Variants in ADAMTS7 observed in about 807,000 individuals in gnomAD.
The protein encoded by ADAMTS7 is ADAM metallopeptidase with thrombospondin type 1 motif 7, also known as A disintegrin and metalloproteinase with thrombospondin motifs 7.
ADAMTS7 carries 89 observed loss-of-function variants against 172.6 expected under a neutral mutation model. The observed-to-expected ratio is 0.52, with a 90% CI of 0.43 to 0.61. The LOEUF (loss-of-function observed/expected upper bound fraction) is 0.61, where lower values mean the gene tolerates loss of function less well. ADAMTS7 is among the 20% of genes least tolerant of loss of function. The pLI is 0.00. For synonymous variants in ADAMTS7, 885 were observed against 978.4 expected (o/e 0.90, Z 1.78); for missense variants, 1,973 against 2,355.6 (o/e 0.84, Z 3.36).
In ADAMTS7 at chr15:78,764,432, G is replaced by A. The variant is rs552447217; in HGVS notation, c.4419+123C>T. The A allele has an allele frequency of 3.5e-5, 45 of 1,272,790 alleles. No homozygotes were observed. In the African/African-American group the frequency reaches 3.8e-4, roughly 11 times the overall value. The allele number at this position is 1,272,790 out of a possible 1,614,324, so 78.8% of individuals were successfully genotyped here. A position where few individuals can be genotyped will look rare whatever the true frequency, so the allele number is the denominator to read the frequency against. On this transcript the variant is annotated intron_variant, in intron 20 of 23. Transcript: ENST00000388820. Reference sequence around the variant, plus strand: ...AAGAGATTCAGAATCCGGTGTGATCGGGCACACAGATGTGCAGCCTGGGGC... The same window carrying A: ...AAGAGATTCAGAATCCGGTGTGATCAGGCACACAGATGTGCAGCCTGGGGC...
intron 8 of ADAMTS7, among the ~76,000 whole-genome samples, chr15:78,779,277 C>T (rs1166803609): frequency 1.3e-5 from 2 of 152,218 alleles, no homozygotes; most frequent in South Asian, 2.1e-4. Flanking sequence ...GTCCAGGGTG[C>T]TGGGGGCATA....
chr15:78,772,351 T>C (rs1422766005), intron 14 of ADAMTS7, among the ~76,000 whole-genome samples: 1 of 152,246 alleles, frequency 6.6e-6, no homozygotes, highest in African/African-American at 2.4e-5. Flanking sequence ...ATGAACATCC[T>C]GCTGCGGTAT....
At chr15:78,784,996 A>C (rs1468890779) in intron 8 of ADAMTS7, among the ~76,000 whole-genome samples, 1 of 151,742 alleles carries the variant, frequency 6.6e-6, no homozygotes, top group African/African-American at 2.4e-5. Flanking sequence ...ACCTCCCCAT[A>C]AAAAAAGTAG....
rs1337500356 is a variant in ADAMTS7 at position 78,759,969 on chromosome 15, A to C, written c.4904-391T>G. ...AACTGCGGTCCCGGGGCCTCCTGCCAGCCTGCAGCGGCCTCTGCCCCCGAC... is the reference window on the plus strand; with the variant it reads ...AACTGCGGTCCCGGGGCCTCCTGCCCGCCTGCAGCGGCCTCTGCCCCCGAC... On this transcript the variant is annotated intron_variant, in intron 23 of 23. Coordinates refer to ENST00000388820, the MANE Select transcript of ADAMTS7 (RefSeq NM_014272.5). Among the ~76,000 whole-genome samples, 116 of 152,110 alleles carry C rather than the reference A, an allele frequency of 7.6e-4. 1 individual carries two copies. Among genetic ancestry groups the C allele is most frequent in the Non-Finnish European group, 1.0e-4 (7 of 67,972 alleles).
rs1459694454 is a variant in ADAMTS7 at position 78,766,597 on chromosome 15, G to A, written c.3314C>T (p.Pro1105Leu). ...GGCAGGCACGGGGCTACCCGTGGAG[G>A]GCGCAGCAGGATGGCTGTGTGGTGG... ...TPPPHSHPAA[P>L]STGSPVPATE... Residue 1105 changes from proline (P) to leucine (L), a missense_variant, in exon 19 of 24, where the codon CCC becomes CTC. By Grantham distance (98) the Pro-to-Leu change is moderately conservative. Around this residue, in one of 8 missense-constraint regions of ADAMTS7, gnomAD observed 771 missense variants for 952.6 expected, o/e 0.81. Coordinates refer to ENST00000388820, the MANE Select transcript of ADAMTS7 (RefSeq NM_014272.5). 2.5e-6 allele frequency: 4 copies of A among 1,601,948 alleles called. No homozygotes were observed. Among genetic ancestry groups the A allele is most frequent in the Non-Finnish European group, 2.5e-6 (3 of 1,177,484 alleles).
At chr15:78,765,336 T>C (rs1277464795) in intron 19 of ADAMTS7, among the ~76,000 whole-genome samples, 1 of 152,274 alleles carries the variant, frequency 6.6e-6, no homozygotes, top group Non-Finnish European at 1.5e-5. Context: ...TCAGGGAAGC[T>C]GCTGCCTGCT....
intron 19 of ADAMTS7, 76 bp from the exon 20 acceptor site, chr15:78,764,783 T>G: frequency 7.2e-7 from 1 of 1,393,986 alleles, no homozygotes; most frequent in Non-Finnish European, 9.3e-7. Context: ...ACTACCCACC[T>G]AGGCTAGCGA....
At chr15:78,774,478 G>A in intron 12 of ADAMTS7, 146 bp downstream of exon 12, 1 of 1,397,264 alleles carries the variant, frequency 7.2e-7, no homozygotes, top group Non-Finnish European at 9.7e-7. Flanking sequence ...TGGGGAGCTA[G>A]GGGCGAGCAG....
intron 14 of ADAMTS7, 116 bp downstream of exon 14, chr15:78,772,967 T>C: frequency 1.5e-6 from 2 of 1,355,672 alleles, no homozygotes; most frequent in Non-Finnish European, 2.0e-6. Flanking sequence ...CTTCCCTGCT[T>C]AGCCATCTCC....
chr15:78,791,433 A>T (rs932028937), intron 4 of ADAMTS7, among the ~76,000 whole-genome samples: 1 of 152,140 alleles, frequency 6.6e-6, no homozygotes, highest in Non-Finnish European at 1.5e-5. Flanking sequence ...CACTGCCCCA[A>T]TGTGGCAGCA....
intron 23 of ADAMTS7, among the ~76,000 whole-genome samples, chr15:78,760,493 C>T (rs2055025966): frequency 6.6e-6 from 1 of 152,094 alleles, no homozygotes. Flanking sequence ...TCCACCCCAG[C>T]TCCAGGCAGA....
intron 8 of ADAMTS7, among the ~76,000 whole-genome samples, chr15:78,778,921 A>C (rs930670272): frequency 3.9e-5 from 6 of 152,100 alleles, no homozygotes; most frequent in Admixed American, 1.3e-4. Flanking sequence ...AAACAGGGCC[A>C]AGACCACTGA....
chr15:78,767,808 C>A (rs1033025808), intron 17 of ADAMTS7, among the ~76,000 whole-genome samples: 1 of 151,940 alleles, frequency 6.6e-6, no homozygotes, highest in Non-Finnish European at 1.5e-5. Context: ...TGCCAGCCTC[C>A]CCTCAGGAAA....
At chr15:78,765,618 C>T in intron 19 of ADAMTS7, 27 bp downstream of exon 19, 1 of 1,599,606 alleles carries the variant, frequency 6.3e-7, no homozygotes, top group Non-Finnish European at 8.5e-7. Context: ...GCGCAAACTC[C>T]CTGCCCGCCC....
In ADAMTS7 at chr15:78,766,068, A is replaced by T; in HGVS notation, c.3843T>A (p.Ser1281Arg). Reference protein sequence around the residue: ...ALEGGLGPVDSELWPTVGVAS... With the variant: ...ALEGGLGPVDRELWPTVGVAS... Reference sequence around the variant, plus strand: ...CCACCCCAACAGTGGGCCACAGTTCACTGTCCACAGGCCCCAGGCCACCCT... The same window carrying T: ...CCACCCCAACAGTGGGCCACAGTTCTCTGTCCACAGGCCCCAGGCCACCCT... Residue 1281 changes from serine (S) to arginine (R), a missense_variant, in exon 19 of 24, where the codon AGT becomes AGA. Physicochemically the swap from Ser to Arg is moderately radical, Grantham distance 110. Coordinates refer to ENST00000388820, the MANE Select transcript of ADAMTS7 (RefSeq NM_014272.5). 1.2e-6 allele frequency: 2 copies of T among 1,609,292 alleles called. No individual in the cohort carries two copies. The highest frequency in any genetic ancestry group is 1.7e-6 in the Non-Finnish European group (2 of 1,179,990).
rs75892304 is a variant in ADAMTS7, at chr15:78,801,973, G to A, written c.101-1426C>T. 0.029 allele frequency among the ~76,000 whole-genome samples: 4,362 copies of A among 152,180 alleles called. 572 individuals are homozygous for A. The East Asian group carries it at 0.38, about 13-fold the overall frequency. On this transcript the variant is annotated intron_variant, in intron 1 of 23. Transcript: ENST00000388820. ...CTCCCATAGTTCTGGGATTACAGGC[G>A]TGAGGCACCAAGGCTGGCCCTGGAT...
chr15:78,780,420 G>A (rs2055413052), intron 8 of ADAMTS7, among the ~76,000 whole-genome samples: 1 of 152,216 alleles, frequency 6.6e-6, no homozygotes, highest in Non-Finnish European at 1.5e-5. Flanking sequence ...TGGTCATGGA[G>A]TCACTGAATG....
In ADAMTS7 at chr15:78,768,166, T is replaced by C. The variant is rs776449805; in HGVS notation, c.2612A>G (p.Gln871Arg). Residue 871 changes from glutamine to arginine, a missense_variant, in exon 17 of 24, where the codon CAG becomes CGG. Physicochemically the swap from Gln to Arg is conservative, Grantham distance 43. This residue lies in a region of ADAMTS7 where 771 missense variants were observed against 952.6 expected (regional missense o/e 0.81). Coordinates refer to ENST00000388820, the MANE Select transcript of ADAMTS7 (RefSeq NM_014272.5). ...CDPLGRPDDQ[Q>R]RKCSEQPCPA... ...GCAGGGCTGCTCGCTGCACTTCCTC[T>C]GTTGGTCATCAGGCCGGCCCAGGGG... The C allele has an allele frequency of 2.5e-6, 4 of 1,601,308 alleles. No homozygotes were observed. The East Asian group carries it at 9.0e-5, about 36-fold the overall frequency.
In ADAMTS7 at chr15:78,767,601, G is replaced by T. The variant is rs1466167217; in HGVS notation, c.2646-9C>A. ...ACTCACCTGCCCACCACCTGGCGAG[G>T]GCACACAGGTGGCATCAGTGTGGCA... is the stretch of plus-strand genomic sequence containing the variant. On this transcript the variant is annotated splice_polypyrimidine_tract_variant and intron_variant, in intron 17 of 23. Coordinates refer to ENST00000388820, the MANE Select transcript of ADAMTS7 (RefSeq NM_014272.5). 6.5e-6 allele frequency: 10 copies of T among 1,532,384 alleles called. No individual in the cohort carries two copies. Among genetic ancestry groups the T allele is most frequent in the South Asian group, 1.2e-5 (1 of 81,852 alleles). 94.9% of individuals were successfully genotyped at this position (1,532,384 alleles called of 1,614,324 possible).
Sources: allele counts gnomAD v4.1 joint callset (sites outside exome capture counted in the v4.1 genomes callset), GRCh38; gene constraint gnomAD v4.1.1; regional missense constraint gnomAD v4.1.1; transcripts MANE v1.5; gene names NCBI Gene and HGNC (gene_info 2026-07-23, HGNC 2026-07-21).